LYPLAL1: variants seen among roughly 807,000 people sequenced by gnomAD.
LYPLAL1 encodes lysophospholipase like 1.
A neutral mutation model predicts 19.7 loss-of-function variants in LYPLAL1; 23 were observed. That is an observed-to-expected ratio of 1.17 (90% confidence interval 0.84 to 1.65). LYPLAL1 has a LOEUF of 1.65. Among genes scored for constraint, LYPLAL1 ranks in the 40% most tolerant of loss-of-function variants. LYPLAL1 has a pLI of 0.00. For synonymous variants in LYPLAL1, 119 were observed against 96.3 expected (o/e 1.24, Z -1.38); for missense variants, 355 against 279.4 (o/e 1.27, Z -1.93).
the LYPLAL1 span, among the ~76,000 whole-genome samples, chr1:219,239,140 C>T: frequency 6.6e-6 from 1 of 152,150 alleles, no homozygotes; most frequent in Non-Finnish European, 1.5e-5. Context: ...TAATAGCTAA[C>T]ATTCATTCAG....
At chr1:219,396,846 T>A in the LYPLAL1 span, among the ~76,000 whole-genome samples, 2 of 152,220 alleles carry the variant, frequency 1.3e-5, no homozygotes, top group South Asian at 2.1e-4. Flanking sequence ...AGATATGGAA[T>A]CATGTCATTT....
At chr1:219,179,345 T>C in intron 2 of LYPLAL1, 99 bp downstream of exon 2, 1 of 825,452 alleles carries the variant, frequency 1.2e-6, no homozygotes, top group Non-Finnish European at 2.0e-6. Context: ...TAATTTTGTA[T>C]TTAACATACT....
the LYPLAL1 span, among the ~76,000 whole-genome samples, chr1:219,416,032 T>C: frequency 6.6e-6 from 1 of 152,232 alleles, no homozygotes; most frequent in Non-Finnish European, 1.5e-5. Flanking sequence ...GAGGTAGTTT[T>C]AGATTTACAG....
chr1:219,176,656 G>A (rs934789824), intron 1 of LYPLAL1, among the ~76,000 whole-genome samples: 1 of 152,134 alleles, frequency 6.6e-6, no homozygotes, highest in Admixed American at 6.5e-5. Context: ...TTTGGTCCAA[G>A]GTCTTTTCAC....
At chr1:219,368,707 C>A in the LYPLAL1 span, among the ~76,000 whole-genome samples, 7 of 152,026 alleles carry the variant, frequency 4.6e-5, no homozygotes, top group Non-Finnish European at 1.0e-4. Context: ...CAAACTGTAA[C>A]AATTCTGAAC....
chr1:219,290,404 A>G, the LYPLAL1 span, among the ~76,000 whole-genome samples: 9 of 152,192 alleles, frequency 5.9e-5, no homozygotes, highest in African/African-American at 2.2e-4. Context: ...GGTTTAAAAG[A>G]ACAGATTGAT....
chr1:219,320,385 T>C, the LYPLAL1 span, among the ~76,000 whole-genome samples: 1 of 152,110 alleles, frequency 6.6e-6, no homozygotes, highest in South Asian at 2.1e-4. Flanking sequence ...TCCAACTTCT[T>C]CTTGATCGTC....
intron 3 of LYPLAL1, among the ~76,000 whole-genome samples, chr1:219,201,782 C>T (rs1452531634): frequency 6.6e-6 from 1 of 152,172 alleles, no homozygotes; most frequent in East Asian, 1.9e-4. Context: ...TGGAATTATA[C>T]ACATGCCACA....
the LYPLAL1 span, among the ~76,000 whole-genome samples, chr1:219,237,217 G>C: frequency 6.6e-6 from 1 of 152,246 alleles, no homozygotes; most frequent in East Asian, 1.9e-4. Flanking sequence ...TGCTAAATAA[G>C]TCGTCAGCAG....
intron 2 of LYPLAL1, among the ~76,000 whole-genome samples, chr1:219,180,986 G>A (rs1348619683): frequency 2.0e-5 from 3 of 152,128 alleles, no homozygotes; most frequent in Admixed American, 6.5e-5. Context: ...ACAGATCATC[G>A]AACGTTTTAG....
chr1:219,435,027 G>A, the LYPLAL1 span: 1 of 152,202 alleles, frequency 6.6e-6, no homozygotes, highest in South Asian at 2.1e-4. Flanking sequence ...AAGTGAGCAT[G>A]TACATGCAGC....
At chr1:219,237,172 A>G in the LYPLAL1 span, among the ~76,000 whole-genome samples, 2 of 152,198 alleles carry the variant, frequency 1.3e-5, no homozygotes, top group Non-Finnish European at 2.9e-5. Context: ...TTCCTACTAC[A>G]CATTTGAGGC....
chr1:219,372,663 G>C, the LYPLAL1 span, among the ~76,000 whole-genome samples: 1 of 152,146 alleles, frequency 6.6e-6, no homozygotes, highest in Non-Finnish European at 1.5e-5. Context: ...AATTTGGGAG[G>C]CCAAGGCAGG....
chr1:219,315,493 G>A, the LYPLAL1 span, among the ~76,000 whole-genome samples: 3 of 152,168 alleles, frequency 2.0e-5, no homozygotes, highest in African/African-American at 7.2e-5. Context: ...TTTTGATGAG[G>A]TAAGTGTAAG....
the LYPLAL1 span, among the ~76,000 whole-genome samples, chr1:219,427,456 G>A: frequency 6.6e-6 from 1 of 152,200 alleles, no homozygotes. Flanking sequence ...TCCTGTGTGT[G>A]CAAATTGAAC....
At chr1:219,320,709 C>T in the LYPLAL1 span, among the ~76,000 whole-genome samples, 13 of 152,104 alleles carry the variant, frequency 8.5e-5, no homozygotes, top group African/African-American at 2.4e-4. Flanking sequence ...TCTGTGCTTG[C>T]GATAGTTTGC....
chr1:219,203,630 G>A (rs952682512), intron 3 of LYPLAL1, among the ~76,000 whole-genome samples: 1 of 152,130 alleles, frequency 6.6e-6, no homozygotes, highest in African/African-American at 2.4e-5. Flanking sequence ...TGGTAAACAA[G>A]GACAGAAACA....
chr1:219,399,280 C>T, the LYPLAL1 span, among the ~76,000 whole-genome samples: 2 of 152,116 alleles, frequency 1.3e-5, no homozygotes, highest in African/African-American at 2.4e-5. Flanking sequence ...GTACTACAGA[C>T]AGGGGTGGTG....
chr1:219,225,426 G>T, the LYPLAL1 span: 5 of 152,086 alleles, frequency 3.3e-5, no homozygotes, highest in African/African-American at 1.2e-4. Context: ...TTTAAAAAAT[G>T]ACTTTTTCTC....
Sources: allele counts gnomAD v4.1 joint callset (sites outside exome capture counted in the v4.1 genomes callset), GRCh38; gene constraint gnomAD v4.1.1; transcripts MANE v1.5; gene names NCBI Gene and HGNC (gene_info 2026-07-23, HGNC 2026-07-21).